GFOD1: variants seen among roughly 807,000 people sequenced by gnomAD.
GFOD1 encodes the protein Gfo/Idh/MocA-like oxidoreductase domain containing 1, also known as glucose-fructose oxidoreductase domain-containing protein 1.
GFOD1 carries 9 observed loss-of-function variants against 25.4 expected under a neutral mutation model. That is an observed-to-expected ratio of 0.35 (90% confidence interval 0.21 to 0.62). The LOEUF is 0.62. GFOD1 is among the 20% of genes least tolerant of loss of function. The pLI is 0.72. For missense variants in GFOD1, 403 were observed against 556.9 expected (o/e 0.72, Z 2.78); for synonymous variants, 253 against 245.6 (o/e 1.03, Z -0.28).
At chr6:13,381,115 G>A (rs1393398327) in intron 1 of GFOD1, among the ~76,000 whole-genome samples, 1 of 152,218 alleles carries the variant, frequency 6.6e-6, no homozygotes, top group East Asian at 1.9e-4. Context: ...TGGGGGTGGA[G>A]AGCAGTCATG....
chr6:13,379,594 G>C (rs491278), intron 1 of GFOD1, among the ~76,000 whole-genome samples: 75,126 of 152,104 alleles, frequency 0.49, 19,866 homozygotes, highest in East Asian at 0.68. Flanking sequence ...GACTGTGGTT[G>C]CAGCTGCCAA....
chr6:13,383,477 T>C lies in GFOD1; in HGVS notation c.254-17815A>G, dbSNP rs1483952433. On this transcript the variant is annotated intron_variant, in intron 1 of 1. Transcript: ENST00000379287. ...CAGTGACAGCCTATCTCTGTGAAGCTGAGTTTTTGGCAGTTGCTGTGATTA... is the reference window on the plus strand; with the variant it reads ...CAGTGACAGCCTATCTCTGTGAAGCCGAGTTTTTGGCAGTTGCTGTGATTA... Among the ~76,000 whole-genome samples, 4 of 152,348 alleles carry C rather than the reference T, an allele frequency of 2.6e-5. No homozygotes were observed. In the East Asian group the frequency reaches 7.7e-4, roughly 29 times the overall value.
At chr6:13,461,212 C>CCA in intron 1 of GFOD1, among the ~76,000 whole-genome samples, 1 of 152,318 alleles carries the variant, frequency 6.6e-6, no homozygotes, top group East Asian at 1.9e-4. Flanking sequence ...GTCTCCTTCA[C>CCA]AGCCCTTGGT....
At chr6:13,406,616 T>C (rs1175037658) in intron 1 of GFOD1, among the ~76,000 whole-genome samples, 2 of 152,210 alleles carry the variant, frequency 1.3e-5, no homozygotes, top group African/African-American at 2.4e-5. Context: ...CCTTACTTGA[T>C]GCTAAGTGCA....
chr6:13,470,069 G>A, intron 1 of GFOD1: 1 of 1,387,680 alleles, frequency 7.2e-7, no homozygotes, highest in Non-Finnish European at 9.7e-7. Flanking sequence ...CTCAGTAAAT[G>A]GGTGAGGAAT....
intron 1 of GFOD1, among the ~76,000 whole-genome samples, chr6:13,435,381 TC>T (rs1240239696): frequency 6.6e-6 from 1 of 152,188 alleles, no homozygotes; most frequent in African/African-American, 2.4e-5. Context: ...AAATAAGACT[TC>T]CTTTACTCAC....
chr6:13,385,060 G>A (rs1785436656), intron 1 of GFOD1, among the ~76,000 whole-genome samples: 1 of 152,154 alleles, frequency 6.6e-6, no homozygotes, highest in South Asian at 2.1e-4. Flanking sequence ...AGCCCCCTGG[G>A]GTATCTCCCA....
chr6:13,483,298 G>C (rs1758794672), intron 1 of GFOD1, among the ~76,000 whole-genome samples: 3 of 152,150 alleles, frequency 2.0e-5, no homozygotes, highest in Non-Finnish European at 4.4e-5. Flanking sequence ...CAAGGGACAA[G>C]GAAGTTCCTG....
chr6:13,425,283 A>G (rs781022123), intron 1 of GFOD1, among the ~76,000 whole-genome samples: 2 of 152,012 alleles, frequency 1.3e-5, no homozygotes, highest in African/African-American at 2.4e-5. Context: ...TCTTACCACA[A>G]CCTGTTGAGT....
chr6:13,475,749 T>C (rs1758609733), intron 1 of GFOD1, among the ~76,000 whole-genome samples: 1 of 137,146 alleles, frequency 7.3e-6, no homozygotes, highest in African/African-American at 2.8e-5. Context: ...ATAATAATAA[T>C]AATAATAATA....
At chr6:13,376,289 GA>G (rs1008450678) in intron 1 of GFOD1, among the ~76,000 whole-genome samples, 5 of 152,134 alleles carry the variant, frequency 3.3e-5, no homozygotes, top group Non-Finnish European at 7.4e-5. Context: ...GCGGACAGAG[GA>G]AAATGGCCAG....
Position 13,370,711 on chromosome 6 carries a change from ATG to A in GFOD1, c.254-5051_254-5050del, listed in dbSNP as rs905596215. Among the ~76,000 whole-genome samples, 16 of 111,608 alleles carry A rather than the reference ATG, an allele frequency of 1.4e-4. No homozygotes were observed. In the East Asian group the frequency reaches 3.1e-3, roughly 22 times the overall value. 73.2% of individuals were successfully genotyped at this position (111,608 alleles called of 152,430 possible). A position where few individuals can be genotyped will look rare whatever the true frequency, so the allele number is the denominator to read the frequency against. On this transcript the variant is annotated intron_variant, in intron 1 of 1. Transcript: ENST00000379287. ...ACTGTGTGTGTGTGTATATGTGTTT[ATG>A]TGTGTGTGTGTGTATGTATGTATGT...
At chr6:13,476,087 C>T (rs1183787806) in intron 1 of GFOD1, among the ~76,000 whole-genome samples, 3 of 152,114 alleles carry the variant, frequency 2.0e-5, no homozygotes, top group Admixed American at 6.5e-5. Context: ...AATTTCAGTC[C>T]TAGGTATTTA....
intron 1 of GFOD1, among the ~76,000 whole-genome samples, chr6:13,410,004 AG>A (rs1276932668): frequency 1.2e-5 from 1 of 80,644 alleles, no homozygotes; most frequent in African/African-American, 3.8e-5. Flanking sequence ...ACGGATTTTT[AG>A]TTTTTTTTTT....
chr6:13,390,721 GAA>G (rs35776140), intron 1 of GFOD1, among the ~76,000 whole-genome samples: 2,494 of 111,514 alleles, frequency 0.022, 38 homozygotes, highest in Non-Finnish European at 0.032. Context: ...GAGACCCTGT[GAA>G]AAAAAAAAAA....
chr6:13,387,235 C>A (rs1184541248), intron 1 of GFOD1, among the ~76,000 whole-genome samples: 2 of 152,146 alleles, frequency 1.3e-5, no homozygotes, highest in Non-Finnish European at 1.5e-5. Context: ...TAGAGCAATG[C>A]CCAGATAATC....
intron 1 of GFOD1, among the ~76,000 whole-genome samples, chr6:13,370,484 T>C (rs1303936538): frequency 6.6e-6 from 1 of 151,960 alleles, no homozygotes; most frequent in East Asian, 1.9e-4. Context: ...CCTTCACGAA[T>C]TGCTAAGCAA....
rs1487599419 is a variant in GFOD1, at chr6:13,361,633, T to C, written c.*3110A>G. The C allele has an allele frequency of 6.6e-6, 1 of 152,228 alleles. No individual in the cohort carries two copies. Among genetic ancestry groups the C allele is most frequent in the East Asian group, 1.9e-4 (1 of 5,204 alleles). The allele number at this position is 152,228 out of a possible 1,614,324, so 9.4% of individuals were successfully genotyped here. A position where few individuals can be genotyped will look rare whatever the true frequency, so the allele number is the denominator to read the frequency against. On this transcript the variant is annotated 3_prime_UTR_variant, in exon 2 of 2. Coordinates refer to ENST00000379287, the MANE Select transcript of GFOD1 (RefSeq NM_018988.4). ...ATATAGCTACCCCAAATCAAGTCTT[T>C]GCATGTGGTGGGATAAGGGCAAATG...
rs200189432 is a variant in GFOD1, at chr6:13,370,001, G to GA, written c.254-4340dup. On this transcript the variant is annotated intron_variant, in intron 1 of 1. Transcript: ENST00000379287. ...TTCTAAATTTGTAATTTTATGGTCAGAAAAAAAAAGCTAATTAAAAAAATC... is the reference window on the plus strand; with the variant it reads ...TTCTAAATTTGTAATTTTATGGTCAGAAAAAAAAAAGCTAATTAAAAAAATC... 2.9e-3 allele frequency among the ~76,000 whole-genome samples: 429 copies of GA among 150,506 alleles called. 4 individuals carry two copies. The highest frequency in any genetic ancestry group is 0.01 in the African/African-American group (412 of 40,978).
Sources: allele counts gnomAD v4.1 joint callset (sites outside exome capture counted in the v4.1 genomes callset), GRCh38; gene constraint gnomAD v4.1.1; transcripts MANE v1.5; gene names NCBI Gene and HGNC (gene_info 2026-07-23, HGNC 2026-07-21).